Variants in SLC35F4 observed in about 807,000 individuals in gnomAD.
SLC35F4 encodes solute carrier family 35 member F4.
Under a neutral mutation model 44.2 loss-of-function variants are expected in SLC35F4, and 24 were observed. The observed-to-expected ratio is 0.54, with a 90% CI of 0.39 to 0.76. The LOEUF (loss-of-function observed/expected upper bound fraction) is 0.76. Ranked by LOEUF, SLC35F4 falls within the 30% of genes least tolerant of loss-of-function variation. The pLI, the probability that SLC35F4 is intolerant of heterozygous loss-of-function variation, is 0.00. For synonymous variants in SLC35F4, 238 were observed against 223.6 expected, an observed-to-expected ratio of 1.06 and a Z score of -0.57; for missense variants, 562 against 586.1, an observed-to-expected ratio of 0.96 and a Z score of 0.42.
At chr14:57,859,991 G>A (rs945986552) in intron 1 of SLC35F4, among the ~76,000 whole-genome samples, 28 of 152,172 alleles carry the variant, frequency 1.8e-4, no homozygotes, top group African/African-American at 6.8e-4. Context: ...TTGAAATACA[G>A]GTGTGGGTTC....
chr14:57,669,542 G>T (rs913705855), intron 1 of SLC35F4, among the ~76,000 whole-genome samples: 1 of 152,028 alleles, frequency 6.6e-6, no homozygotes, highest in Non-Finnish European at 1.5e-5. Flanking sequence ...TAGCATGAAG[G>T]GCAGTTGAAT....
At chr14:57,746,158 C>T (rs1380607868) in intron 1 of SLC35F4, among the ~76,000 whole-genome samples, 2 of 151,914 alleles carry the variant, frequency 1.3e-5, no homozygotes, top group African/African-American at 4.8e-5. Context: ...GGGTGCAGCA[C>T]ACCAACATGG....
chr14:57,578,744 T>G (rs1173401570), intron 4 of SLC35F4: 1 of 152,220 alleles, frequency 6.6e-6, no homozygotes, highest in Non-Finnish European at 1.5e-5. Context: ...CTTACTATTC[T>G]GCTATCTATG....
intron 1 of SLC35F4, among the ~76,000 whole-genome samples, chr14:57,811,453 A>G (rs1394638240): frequency 6.6e-6 from 1 of 152,226 alleles, no homozygotes; most frequent in East Asian, 1.9e-4. Context: ...GATACTGAAC[A>G]AATAGCCCTT....
intron 1 of SLC35F4, among the ~76,000 whole-genome samples, chr14:57,871,325 C>G (rs760124906): frequency 2.6e-5 from 4 of 152,202 alleles, no homozygotes; most frequent in Non-Finnish European, 5.9e-5. Flanking sequence ...AACTCTGCAG[C>G]AGGGGAGCCC....
At chr14:57,857,807 A>C (rs1887259733) in intron 1 of SLC35F4, among the ~76,000 whole-genome samples, 2 of 152,052 alleles carry the variant, frequency 1.3e-5, no homozygotes, top group South Asian at 4.1e-4. Context: ...TGCACTTCTA[A>C]AGATAAATAG....
chr14:57,602,166 T>G (rs2070861180), intron 1 of SLC35F4, among the ~76,000 whole-genome samples: 1 of 145,650 alleles, frequency 6.9e-6, no homozygotes, highest in East Asian at 2.0e-4. Context: ...GCCTGGATGG[T>G]AAAAAAAAAA....
At chr14:57,706,189 A>C (rs1421407569) in intron 1 of SLC35F4, among the ~76,000 whole-genome samples, 1 of 152,216 alleles carries the variant, frequency 6.6e-6, no homozygotes, top group Non-Finnish European at 1.5e-5. Context: ...TGCATATTAC[A>C]GAGATTATGT....
At chr14:57,910,786 A>G (rs572036971) in intron 1 of SLC35F4, among the ~76,000 whole-genome samples, 2 of 152,034 alleles carry the variant, frequency 1.3e-5, no homozygotes, top group Admixed American at 6.6e-5. Context: ...TCTTCATATA[A>G]GCTTTAGAAT....
chr14:57,772,190 C>T (rs1166159771), intron 1 of SLC35F4, among the ~76,000 whole-genome samples: 2 of 152,036 alleles, frequency 1.3e-5, no homozygotes, highest in African/African-American at 2.4e-5. Context: ...ATGACTTAGC[C>T]GAAGAGGAGA....
rs533479058 is a variant in SLC35F4, at chr14:57,753,123, C to T, written c.103+112600G>A. ...CAGCCACATGTTCATGTTGGGGCTG[C>T]GCCTGTGGCCTCATTATGATATGCA... On this transcript the variant is annotated intron_variant, in intron 1 of 7. Coordinates refer to ENST00000556826, the MANE Select transcript of SLC35F4 (RefSeq NM_001306087.2). 2.0e-4 allele frequency among the ~76,000 whole-genome samples: 30 copies of T among 152,274 alleles called. No homozygotes were observed. In the East Asian group the frequency reaches 5.0e-3, roughly 25 times the overall value.
At chr14:57,622,318 G>T (rs1485850041) in intron 1 of SLC35F4, among the ~76,000 whole-genome samples, 2 of 142,526 alleles carry the variant, frequency 1.4e-5, no homozygotes, top group African/African-American at 5.3e-5. Context: ...CCATTACTGG[G>T]TATATACCCA....
chr14:57,667,816 C>G (rs527562247), intron 1 of SLC35F4, among the ~76,000 whole-genome samples: 2 of 151,182 alleles, frequency 1.3e-5, no homozygotes, highest in African/African-American at 4.9e-5. Context: ...GTCTTTATAG[C>G]AGCATGATTT....
At chr14:57,898,511 A>G (rs866767231) in intron 1 of SLC35F4, among the ~76,000 whole-genome samples, 30 of 152,320 alleles carry the variant, frequency 2.0e-4, no homozygotes, top group Middle Eastern at 3.4e-3. Context: ...CAAAAACTAG[A>G]AGAAAACAGA....
intron 1 of SLC35F4, among the ~76,000 whole-genome samples, chr14:57,908,505 T>A (rs1889153036): frequency 6.6e-6 from 1 of 151,926 alleles, no homozygotes; most frequent in African/African-American, 2.4e-5. Flanking sequence ...GGTATCTCGT[T>A]GTGGTTTTGA....
Position 57,953,508 on chromosome 14 carries a change from G to A in SLC35F4, n.282+28405C>T, listed in dbSNP as rs566729290. On this transcript the variant is annotated intron_variant and non_coding_transcript_variant, in intron 1 of 1. Coordinates refer to the SLC35F4 transcript ENST00000556568. ...CTGGCAAATTGGATAGTCAAGACCC[G>A]TCAGTGTGCTGTATCCAGGAGAACC... 6.6e-4 allele frequency among the ~76,000 whole-genome samples: 101 copies of A among 151,968 alleles called. 1 individual carries two copies. The highest frequency in any genetic ancestry group is 5.9e-4 in the Admixed American group (9 of 15,252).
intron 5 of SLC35F4, 66 bp from the exon 6 acceptor site, chr14:57,570,046 T>C (rs1439526525): frequency 1.4e-6 from 2 of 1,406,450 alleles, no homozygotes; most frequent in Non-Finnish European, 1.9e-6. Flanking sequence ...TAAGTCTTAC[T>C]GTTCCATACT....
chr14:57,878,812 C>T (rs1311002192), intron 1 of SLC35F4, among the ~76,000 whole-genome samples: 2 of 152,028 alleles, frequency 1.3e-5, no homozygotes, highest in Non-Finnish European at 2.9e-5. Context: ...TAGATATTTC[C>T]AAAATTAGTT....
At chr14:57,626,424 A>G (rs924892327) in intron 1 of SLC35F4, among the ~76,000 whole-genome samples, 24 of 151,868 alleles carry the variant, frequency 1.6e-4, no homozygotes, top group East Asian at 3.9e-4. Context: ...TCTTTTTTCT[A>G]TACAACTCGT....
Sources: allele counts gnomAD v4.1 joint callset (sites outside exome capture counted in the v4.1 genomes callset), GRCh38; gene constraint gnomAD v4.1.1; transcripts MANE v1.5; gene names NCBI Gene and HGNC (gene_info 2026-07-23, HGNC 2026-07-21).